Variants in CWF19L2 observed in about 807,000 individuals in gnomAD.
CWF19L2 encodes CWF19 like cell cycle control factor 2, also known as CWF19-like protein 2.
In CWF19L2, 98 loss-of-function variants were observed where a neutral mutation model predicts 111.7. That is an observed-to-expected ratio of 0.88 (90% confidence interval 0.75 to 1.04). The LOEUF is 1.04. CWF19L2 is among the 50% of genes least tolerant of loss of function. The pLI is 0.00. For synonymous variants in CWF19L2, 351 were observed against 342.9 expected (o/e 1.02, Z -0.26); for missense variants, 1,101 against 1,051.4 (o/e 1.05, Z -0.65).
chr11:107,432,246 T>C (rs1436121490), intron 7 of CWF19L2, among the ~76,000 whole-genome samples: 2 of 152,086 alleles, frequency 1.3e-5, no homozygotes, highest in Non-Finnish European at 1.5e-5. Flanking sequence ...CAATAGTCAA[T>C]TCACTAAAAA....
chr11:107,396,889 T>C (rs1227203924), intron 10 of CWF19L2, among the ~76,000 whole-genome samples: 3 of 152,092 alleles, frequency 2.0e-5, no homozygotes, highest in African/African-American at 7.2e-5. Context: ...CTCCCGAACA[T>C]ACCCCCCAAC....
intron 3 of CWF19L2, among the ~76,000 whole-genome samples, chr11:107,453,842 T>C (rs1228778564): frequency 6.6e-6 from 1 of 151,954 alleles, no homozygotes; most frequent in East Asian, 1.9e-4. Context: ...TGAAGAGTTC[T>C]TGGGCCTTAA....
chr11:107,453,046 C>G lies in CWF19L2; in HGVS notation c.339+1404G>C, dbSNP rs73000130. On this transcript the variant is annotated intron_variant, in intron 3 of 17. Coordinates refer to ENST00000282251, the MANE Select transcript of CWF19L2 (RefSeq NM_152434.3). Reference sequence around the variant, plus strand: ...TAGGAGAAATCACAATCTTGAGGTGCGCAAAAATTAGGATACCAGAAGCAC... The same window carrying G: ...TAGGAGAAATCACAATCTTGAGGTGGGCAAAAATTAGGATACCAGAAGCAC... Among the ~76,000 whole-genome samples, 1,267 of 151,542 alleles carry G rather than the reference C, an allele frequency of 8.4e-3. 8 individuals are homozygous for G. The highest frequency in any genetic ancestry group is 0.014 in the Non-Finnish European group (964 of 67,878).
intron 14 of CWF19L2, among the ~76,000 whole-genome samples, chr11:107,342,702 C>T (rs1860022696): frequency 2.0e-5 from 3 of 152,116 alleles, no homozygotes; most frequent in Admixed American, 2.0e-4. Context: ...TATCCAGGTC[C>T]TATTCCCAAG....
intron 12 of CWF19L2, among the ~76,000 whole-genome samples, chr11:107,385,185 T>C (rs865878607): frequency 6.6e-6 from 1 of 152,190 alleles, no homozygotes; most frequent in Non-Finnish European, 1.5e-5. Context: ...GCTGTAATTA[T>C]CAGGCAGGAT....
intron 12 of CWF19L2, among the ~76,000 whole-genome samples, chr11:107,356,943 CAGG>C (rs1416464890): frequency 6.6e-6 from 1 of 152,154 alleles, no homozygotes; most frequent in Non-Finnish European, 1.5e-5. Flanking sequence ...GAGGCTGAGG[CAGG>C]AGAATTGCTT....
intron 10 of CWF19L2, among the ~76,000 whole-genome samples, chr11:107,403,120 G>A (rs962693868): frequency 2.0e-5 from 3 of 149,728 alleles, no homozygotes; most frequent in Non-Finnish European, 4.5e-5. Flanking sequence ...GTGTGAAGGG[G>A]GTGAGGGATA....
At chr11:107,381,157 T>C (rs1307964502) in intron 12 of CWF19L2, among the ~76,000 whole-genome samples, 1 of 152,136 alleles carries the variant, frequency 6.6e-6, no homozygotes, top group Non-Finnish European at 1.5e-5. Flanking sequence ...TGGATAGTGG[T>C]GATGGTTGCA....
chr11:107,423,211 T>G (rs978654582), intron 8 of CWF19L2, among the ~76,000 whole-genome samples: 2 of 151,972 alleles, frequency 1.3e-5, no homozygotes, highest in Non-Finnish European at 2.9e-5. Context: ...CAAATGTAAT[T>G]TACCAGAATT....
chr11:107,423,640 T>C (rs1861333210), intron 8 of CWF19L2, among the ~76,000 whole-genome samples: 1 of 151,962 alleles, frequency 6.6e-6, no homozygotes, highest in Non-Finnish European at 1.5e-5. Context: ...TTCTTTAGGA[T>C]AACGAAGCTA....
chr11:107,429,649 TAAC>T (rs961474242), intron 7 of CWF19L2, among the ~76,000 whole-genome samples, 198 bp from the exon 8 acceptor site: 2 of 151,966 alleles, frequency 1.3e-5, no homozygotes, highest in African/African-American at 4.8e-5. Flanking sequence ...AATTATTAAA[TAAC>T]AAAAAGATTC....
intron 12 of CWF19L2, among the ~76,000 whole-genome samples, chr11:107,360,116 C>G (rs1424446049): frequency 1.3e-5 from 2 of 152,184 alleles, no homozygotes; most frequent in Non-Finnish European, 2.9e-5. Context: ...CCTCCCACCC[C>G]CTTATTCTTC....
intron 12 of CWF19L2, among the ~76,000 whole-genome samples, chr11:107,387,134 A>G (rs1405507749): frequency 6.6e-6 from 1 of 151,876 alleles, no homozygotes; most frequent in East Asian, 1.9e-4. Flanking sequence ...GTCACCCTAC[A>G]CTACCATGTG....
chr11:107,358,481 G>A (rs1224689256), intron 12 of CWF19L2, among the ~76,000 whole-genome samples: 2 of 152,136 alleles, frequency 1.3e-5, no homozygotes, highest in Admixed American at 1.3e-4. Flanking sequence ...GTTACCACAT[G>A]ACCAAGAAAC....
At chr11:107,392,929 A>G (rs573047077) in intron 10 of CWF19L2, 34 bp from the exon 11 acceptor site, 2 of 1,246,064 alleles carry the variant, frequency 1.6e-6, no homozygotes, top group Admixed American at 5.0e-5. Context: ...TATTGAAATT[A>G]TTGTGAAGAA....
chr11:107,405,140 C>T (rs1861058989), intron 10 of CWF19L2, among the ~76,000 whole-genome samples: 1 of 152,140 alleles, frequency 6.6e-6, no homozygotes, highest in Non-Finnish European at 1.5e-5. Context: ...TATTTCATGA[C>T]AGATTAAAAT....
intron 12 of CWF19L2, among the ~76,000 whole-genome samples, chr11:107,359,839 A>G (rs1342688269): frequency 6.6e-6 from 1 of 152,116 alleles, no homozygotes; most frequent in African/African-American, 2.4e-5. Flanking sequence ...TGAGACTGCT[A>G]CCTCGCTGCT....
intron 8 of CWF19L2, 118 bp downstream of exon 8, chr11:107,428,681 A>G (rs1013934064): frequency 3.1e-5 from 25 of 809,736 alleles, no homozygotes; most frequent in African/African-American, 6.9e-5. Context: ...TACCCCTTCT[A>G]TCAATTTTAA....
chr11:107,389,758 A>G (rs188479398), intron 12 of CWF19L2, among the ~76,000 whole-genome samples: 265 of 152,298 alleles, frequency 1.7e-3, no homozygotes, highest in Middle Eastern at 6.8e-3. Context: ...TAACCTAACT[A>G]TCAGCGCACT....
Sources: allele counts gnomAD v4.1 joint callset (sites outside exome capture counted in the v4.1 genomes callset), GRCh38; gene constraint gnomAD v4.1.1; transcripts MANE v1.5; gene names NCBI Gene and HGNC (gene_info 2026-07-23, HGNC 2026-07-21).